The following CELSR1 variants were observed in gnomAD, a reference collection of about 807,000 sequenced individuals.
CELSR1 encodes the protein adhesion G protein-coupled receptor C1.
A neutral mutation model predicts 249.1 loss-of-function variants in CELSR1; 110 were observed. The ratio of observed to expected loss-of-function variants is 0.44; its 90% CI spans 0.38 to 0.52. CELSR1 has a LOEUF of 0.52. Among genes scored for constraint, CELSR1 ranks in the 20% least tolerant of loss-of-function variants. The pLI is 0.00. For synonymous variants in CELSR1, 2,113 were observed against 1,900.0 expected (o/e 1.11, Z -2.92); for missense variants, 4,109 against 4,296.4 (o/e 0.96, Z 1.22).
Position 46,534,674 on chromosome 22 carries a change from G to C in CELSR1, c.2497C>G (p.Pro833Ala), listed in dbSNP as rs2080830785. ...CTGTCGGGGTCAATGCGGAACTGCG[G>C]CACGGGGTCCTGAATCACGTAGGTG... is the stretch of plus-strand genomic sequence containing the variant. ...RITYVIQDPV[P>A]QFRIDPDSGT... Residue 833 changes from proline (P) to alanine (A), a missense_variant, in exon 1 of 35, where the codon CCG becomes GCG. By Grantham distance (27) the Pro-to-Ala change is conservative. This residue lies in a region of CELSR1 where 886 missense variants were observed against 896.5 expected (regional missense o/e 0.99). Transcript: ENST00000674500. This position sits in a 1 kb window ranked among gnomAD's most constrained non-coding sequence, Gnocchi z 9.7. 1 of 1,613,622 alleles carries C rather than the reference G, an allele frequency of 6.2e-7. No homozygotes were observed. Among genetic ancestry groups the C allele is most frequent in the Admixed American group, 1.7e-5 (1 of 60,006 alleles).
chr22:46,453,319 G>A (rs1015056225), intron 2 of CELSR1, among the ~76,000 whole-genome samples: 1 of 152,200 alleles, frequency 6.6e-6, no homozygotes, highest in Non-Finnish European at 1.5e-5. Context: ...CTCATCACGA[G>A]AAAAGGCTGC....
chr22:46,396,842 C>T lies in CELSR1; in HGVS notation c.5702-96G>A. ...AACCTGTCCCCTCCAGAAGATCTGACTTTCCCTGGTACTCAGCAGAGGGAA... is the reference window on the plus strand; with the variant it reads ...AACCTGTCCCCTCCAGAAGATCTGATTTTCCCTGGTACTCAGCAGAGGGAA... On this transcript the variant is annotated intron_variant, in intron 12 of 34. Coordinates refer to ENST00000674500, the MANE Select transcript of CELSR1 (RefSeq NM_001378328.1). This position sits in a 1 kb window ranked among gnomAD's most constrained non-coding sequence, Gnocchi z 6.4. 3.4e-6 allele frequency: 5 copies of T among 1,486,284 alleles called. No individual in the cohort carries two copies. In the South Asian group the frequency reaches 6.2e-5, roughly 19 times the overall value. The allele number at this position is 1,486,284 out of a possible 1,614,324, so 92.1% of individuals were successfully genotyped here. A position where few individuals can be genotyped will look rare whatever the true frequency, so the allele number is the denominator to read the frequency against.
At chr22:46,469,817 G>A (rs1389295780) in intron 1 of CELSR1, among the ~76,000 whole-genome samples, 1 of 148,326 alleles carries the variant, frequency 6.7e-6, no homozygotes, top group Non-Finnish European at 1.5e-5. Flanking sequence ...CCCGGCCTAG[G>A]GCTCTGATTT....
At chr22:46,485,480 T>C (rs1354950803) in intron 1 of CELSR1, among the ~76,000 whole-genome samples, 3 of 152,204 alleles carry the variant, frequency 2.0e-5, no homozygotes, top group Admixed American at 2.0e-4. Context: ...AGGAGGCCCA[T>C]GTGCCTGGGA....
chr22:46,504,521 C>CA (rs1169049980), intron 1 of CELSR1, among the ~76,000 whole-genome samples: 209 of 72,682 alleles, frequency 2.9e-3, no homozygotes, highest in Non-Finnish European at 3.6e-3. Flanking sequence ...AAAAAAAAAA[C>CA]AAAAAAAAAC....
chr22:46,466,518 GGCT>G (rs1172845840), intron 1 of CELSR1, among the ~76,000 whole-genome samples: 1 of 152,182 alleles, frequency 6.6e-6, no homozygotes, highest in Non-Finnish European at 1.5e-5. Flanking sequence ...TGACCCACCG[GGCT>G]GCTGAGACTC....
In CELSR1 at chr22:46,393,150, C is replaced by T. The variant is rs2147260668; in HGVS notation, c.5964+992G>A. Among the ~76,000 whole-genome samples, 1 of 152,300 alleles carries T rather than the reference C, an allele frequency of 6.6e-6. No homozygotes were observed. Among genetic ancestry groups the T allele is most frequent in the East Asian group, 1.9e-4 (1 of 5,184 alleles). On this transcript the variant is annotated intron_variant, in intron 14 of 34. Coordinates refer to ENST00000674500, the MANE Select transcript of CELSR1 (RefSeq NM_001378328.1). The surrounding 1 kb of genome is among the most constrained non-coding windows in gnomAD (Gnocchi z 4.1). The stretch of plus-strand genomic sequence containing the variant: ...CCGCATCTGCAGGAAGCTCACGTCC[C>T]TCGCCCAGGCTCCTGTTACCCTCAG...
chr22:46,511,728 G>GGGGAA (rs1396774826), intron 1 of CELSR1, among the ~76,000 whole-genome samples: 3 of 152,170 alleles, frequency 2.0e-5, no homozygotes, highest in African/African-American at 7.2e-5. Flanking sequence ...GGCCAACAGT[G>GGGGAA]GGGAAGGCAG....
intron 1 of CELSR1, among the ~76,000 whole-genome samples, chr22:46,491,100 A>C (rs2080362977): frequency 6.6e-6 from 1 of 152,026 alleles, no homozygotes; most frequent in South Asian, 2.1e-4. Context: ...GGACATGGCC[A>C]GGACACAGAG....
rs1433912327 is a variant in CELSR1 at position 46,423,472 on chromosome 22, G to T, written c.4611+9921C>A. ...AATACAAAATTAGCCGGGCGTGGTG[G>T]TGCAGGCCTGTAATCCCACCTACTC... On this transcript the variant is annotated intron_variant, in intron 5 of 34. Transcript: ENST00000674500. The surrounding 1 kb of genome is among the most constrained non-coding windows in gnomAD (Gnocchi z 5.6). Among the ~76,000 whole-genome samples the T allele has an allele frequency of 3.3e-5, 5 of 152,004 alleles. No homozygotes were observed. The highest frequency in any genetic ancestry group is 7.3e-5 in the Non-Finnish European group (5 of 68,028).
At chr22:46,403,677 C>A (rs947427879) in intron 9 of CELSR1, among the ~76,000 whole-genome samples, 4 of 151,994 alleles carry the variant, frequency 2.6e-5, no homozygotes, top group African/African-American at 9.7e-5. Context: ...GGCATGTGTA[C>A]AAAACTGGCT....
At chr22:46,370,098 G>A (rs7293002) in intron 25 of CELSR1, 20,589 of 516,190 alleles carry the variant, frequency 0.04, 3,090 homozygotes, top group African/African-American at 0.34. Flanking sequence ...GAGGGTGGCA[G>A]TGAGATGGTG....
chr22:46,510,023 A>G (rs80285412), intron 1 of CELSR1, among the ~76,000 whole-genome samples: 7,193 of 152,256 alleles, frequency 0.047, 560 homozygotes, highest in African/African-American at 0.16. Flanking sequence ...AGGACAGCCC[A>G]TGTCCCTTTC....
chr22:46,402,380 T>TA lies in CELSR1; in HGVS notation c.5227-2479dup, dbSNP rs1489240722. Among the ~76,000 whole-genome samples the TA allele has an allele frequency of 1.1e-4, 17 of 152,096 alleles. No homozygotes were observed. Among genetic ancestry groups the TA allele is most frequent in the South Asian group, 6.2e-4 (3 of 4,810 alleles). On this transcript the variant is annotated intron_variant, in intron 9 of 34. Transcript: ENST00000674500. This position sits in a 1 kb window ranked among gnomAD's most constrained non-coding sequence, Gnocchi z 5.0. ...ACAGGTACCCACCACCACACCCAGC[T>TA]AATTTTCTGTATTTTTAGTAGAGAC...
chr22:46,502,974 G>A (rs942043688), intron 1 of CELSR1, among the ~76,000 whole-genome samples: 1 of 152,132 alleles, frequency 6.6e-6, no homozygotes, highest in African/African-American at 2.4e-5. Context: ...CACGGCACTC[G>A]GAGAGAAGAT....
chr22:46,378,678 C>T lies in CELSR1; in HGVS notation c.7296G>A (p.Glu2432=), dbSNP rs768195757. 1 of 1,611,984 alleles carries T rather than the reference C, an allele frequency of 6.2e-7. No homozygotes were observed. Among genetic ancestry groups the T allele is most frequent in the Non-Finnish European group, 8.5e-7 (1 of 1,179,698 alleles). ...GTGGWSARGC[E]LLSRNRTHVA... ...CATGTGTCCGGTTCCTGGACAGGAG[C>T]TCGCAGCCCCGGGCAGACCACCCTC... is the stretch of plus-strand genomic sequence containing the variant. The change falls in exon 23 of 35, where the codon GAG becomes GAA. Residue 2432 remains glutamate, a synonymous_variant. Transcript: ENST00000674500.
Position 46,382,041 on chromosome 22 carries a change from A to C in CELSR1, c.6893T>G (p.Leu2298Arg). The stretch of plus-strand genomic sequence containing the variant: ...GGTCCTCCGGCCAGCCGGCCTCAGC[A>C]GGGGGCCTTCTGCAATGTGAGCAGA... ...FRPPEEKEGPLLRPAGRRTTP... is the reference protein window; with the variant it reads ...FRPPEEKEGPRLRPAGRRTTP... The change falls in exon 21 of 35, where the codon CTG becomes CGG. Residue 2298 changes from leucine to arginine, a missense_variant. Transcript: ENST00000674500. The C allele has an allele frequency of 2.6e-6, 4 of 1,538,560 alleles. No individual in the cohort carries two copies. The South Asian group carries it at 4.8e-5, about 18-fold the overall frequency.
intron 5 of CELSR1, among the ~76,000 whole-genome samples, chr22:46,424,207 T>C (rs140047): frequency 0.72 from 108,967 of 151,450 alleles, 39,227 homozygotes; most frequent in South Asian, 0.77. Flanking sequence ...GCTGGGACCA[T>C]AGGCACATGC....
chr22:46,399,815 C>T lies in CELSR1; in HGVS notation c.5314G>A (p.Gly1772Arg). The T allele has an allele frequency of 6.2e-7, 1 of 1,614,154 alleles. No homozygotes were observed. The highest frequency in any genetic ancestry group is 1.1e-5 in the South Asian group (1 of 91,082). The change falls in exon 10 of 35, where the codon GGG becomes AGG. Residue 1772 changes from glycine to arginine, a missense_variant. By Grantham distance (125) the Gly-to-Arg change is moderately radical. Around this residue, in one of 7 missense-constraint regions of CELSR1, gnomAD observed 1,805 missense variants for 1,831.6 expected, o/e 0.99. Coordinates refer to ENST00000674500, the MANE Select transcript of CELSR1 (RefSeq NM_001378328.1). This position sits in a 1 kb window ranked among gnomAD's most constrained non-coding sequence, Gnocchi z 5.0. ...VMLSGLRVTD[G>R]EWHHLLIELK... ...TCGATCAGCAGGTGGTGCCACTCCC[C>T]GTCGGTCACCCGCAACCCGGACAGC...
Sources: allele counts gnomAD v4.1 joint callset (sites outside exome capture counted in the v4.1 genomes callset), GRCh38; gene constraint gnomAD v4.1.1; regional missense constraint gnomAD v4.1.1; non-coding constraint Gnocchi (gnomAD v3.1); transcripts MANE v1.5; gene names NCBI Gene and HGNC (gene_info 2026-07-23, HGNC 2026-07-21).